Variants in ARHGEF10 observed in about 807,000 individuals in gnomAD.
ARHGEF10 encodes the protein Rho guanine nucleotide exchange factor 10.
ARHGEF10 carries 140 observed loss-of-function variants against 147.4 expected under a neutral mutation model. The observed-to-expected ratio is 0.95, with a 90% CI of 0.83 to 1.09. ARHGEF10 has a LOEUF of 1.09. Among genes scored for constraint, ARHGEF10 ranks in the 50% least tolerant of loss-of-function variants. The pLI is 0.00. For synonymous variants in ARHGEF10, 902 were observed against 695.8 expected, an observed-to-expected ratio of 1.30 and a Z score of -4.67; for missense variants, 2,222 against 1,752.7, an observed-to-expected ratio of 1.27 and a Z score of -4.78.
intron 1 of ARHGEF10, among the ~76,000 whole-genome samples, chr8:1,837,668 G>A (rs1803667422): frequency 6.6e-6 from 1 of 152,198 alleles, no homozygotes; most frequent in Non-Finnish European, 1.5e-5. Flanking sequence ...TGTCTAGGGC[G>A]GGAAGGGGGA....
intron 6 of ARHGEF10, among the ~76,000 whole-genome samples, chr8:1,867,678 A>T (rs1425338659): frequency 6.6e-6 from 1 of 152,234 alleles, no homozygotes; most frequent in Admixed American, 6.5e-5. Flanking sequence ...AAAGGCTGAA[A>T]GATTTTTAGC....
intron 1 of ARHGEF10, among the ~76,000 whole-genome samples, chr8:1,835,931 C>T (rs568121647): frequency 5.9e-5 from 9 of 152,256 alleles, no homozygotes; most frequent in East Asian, 1.9e-4. Context: ...CCTGTAATCC[C>T]GGCACTTTGG....
chr8:1,842,426 C>T (rs1804164944), intron 1 of ARHGEF10, among the ~76,000 whole-genome samples: 1 of 152,194 alleles, frequency 6.6e-6, no homozygotes, highest in Admixed American at 6.5e-5. Flanking sequence ...GCCTGCCATC[C>T]CCTCGCGTTC....
At chr8:1,863,037 C>A (rs998201922) in intron 4 of ARHGEF10, among the ~76,000 whole-genome samples, 6 of 152,092 alleles carry the variant, frequency 3.9e-5, no homozygotes, top group African/African-American at 1.4e-4. Context: ...CCCGCCTCAG[C>A]CTCCGAAAGT....
In ARHGEF10 at chr8:1,956,985, A is replaced by G. The variant is rs759524043; in HGVS notation, c.3757A>G (p.Lys1253Glu). 3 of 1,614,158 alleles carry G rather than the reference A, an allele frequency of 1.9e-6. No homozygotes were observed. Among genetic ancestry groups the G allele is most frequent in the Admixed American group, 3.3e-5 (2 of 60,028 alleles). ...LGDSLGSMTQ[K>E]SDLSSSSGSL... Reference sequence around the variant, plus strand: ...AGATTCGCTGGGATCGATGACTCAGAAAAGCGACCTGTCCTCCTCATCTGG... The same window carrying G: ...AGATTCGCTGGGATCGATGACTCAGGAAAGCGACCTGTCCTCCTCATCTGG... The change falls in exon 29 of 29, where the codon AAA becomes GAA. Residue 1253 changes from lysine to glutamate, a missense_variant. By Grantham distance (56) the Lys-to-Glu change is moderately conservative. Transcript: ENST00000349830.
chr8:1,943,959 G>C (rs554757324), intron 26 of ARHGEF10: 6 of 152,422 alleles, frequency 3.9e-5, no homozygotes, highest in African/African-American at 9.6e-5. Flanking sequence ...GTTTGCTCCA[G>C]GGGGGTGGAC....
intron 3 of ARHGEF10, chr8:1,858,874 T>G (rs553196126): frequency 5.8e-6 from 1 of 172,726 alleles, no homozygotes; most frequent in Non-Finnish European, 1.3e-5. Context: ...CGGCATTTCT[T>G]TGGGTGCAGC....
rs144850309 is a variant in ARHGEF10, at chr8:1,949,308, A to T, written c.3398-3397A>T. On this transcript the variant is annotated intron_variant, in intron 27 of 28. Coordinates refer to ENST00000349830, the MANE Select transcript of ARHGEF10 (RefSeq NM_014629.4). ...TTCTATTTGGAATTCACTTCTGAAAACCATTTAGCTCACGTTCTTTCACAT... is the reference window on the plus strand; with the variant it reads ...TTCTATTTGGAATTCACTTCTGAAATCCATTTAGCTCACGTTCTTTCACAT... Among the ~76,000 whole-genome samples the T allele has an allele frequency of 2.6e-5, 4 of 152,314 alleles. No homozygotes were observed. The East Asian group carries it at 7.7e-4, about 29-fold the overall frequency.
At chr8:1,880,974 C>T (rs1193243606) in intron 9 of ARHGEF10, among the ~76,000 whole-genome samples, 2 of 152,214 alleles carry the variant, frequency 1.3e-5, no homozygotes, top group South Asian at 2.1e-4. Context: ...GCTGGCTCCC[C>T]TGCAGGGTGT....
chr8:1,892,275 C>CTGTGTGTG (rs1491241969), intron 11 of ARHGEF10, among the ~76,000 whole-genome samples: 2 of 93,422 alleles, frequency 2.1e-5, no homozygotes, highest in Admixed American at 1.1e-4. Context: ...CAGCTTCTGG[C>CTGTGTGTG]TCTGTGTGTG....
At chr8:1,949,074 A>G (rs1160694578) in intron 27 of ARHGEF10, among the ~76,000 whole-genome samples, 3 of 152,004 alleles carry the variant, frequency 2.0e-5, no homozygotes, top group East Asian at 3.9e-4. Context: ...TTTTTGTGCT[A>G]TTGCTGGAAT....
chr8:1,850,388 G>A (rs1177344690), intron 2 of ARHGEF10, among the ~76,000 whole-genome samples: 5 of 143,276 alleles, frequency 3.5e-5, no homozygotes, highest in Non-Finnish European at 7.6e-5. Context: ...GGGCATGGAC[G>A]GCAAATGCTG....
intron 26 of ARHGEF10, among the ~76,000 whole-genome samples, chr8:1,938,601 A>G (rs1813814179): frequency 1.3e-5 from 2 of 152,198 alleles, no homozygotes; most frequent in South Asian, 4.1e-4. Flanking sequence ...TTCTCATAGG[A>G]AGTTAATTCT....
intron 11 of ARHGEF10, among the ~76,000 whole-genome samples, chr8:1,889,220 G>T (rs12674621): frequency 1.4e-4 from 13 of 90,046 alleles, no homozygotes; most frequent in African/African-American, 5.7e-4. Context: ...CACTGAATGG[G>T]GTGAGGGTTG....
intron 2 of ARHGEF10, among the ~76,000 whole-genome samples, chr8:1,843,874 G>T (rs1804291539): frequency 6.6e-6 from 1 of 152,190 alleles, no homozygotes; most frequent in South Asian, 2.1e-4. Flanking sequence ...TCAGGGACAA[G>T]CACGCCCTCT....
At chr8:1,908,279 G>C (rs1379657859) in intron 17 of ARHGEF10, among the ~76,000 whole-genome samples, 1 of 142,000 alleles carries the variant, frequency 7.0e-6, no homozygotes, top group Non-Finnish European at 1.5e-5. Context: ...CACCCAGGCT[G>C]GAGTGCTGTG....
At chr8:1,909,107 C>T (rs985197122) in intron 17 of ARHGEF10, among the ~76,000 whole-genome samples, 188 bp from the exon 18 acceptor site, 4 of 152,198 alleles carry the variant, frequency 2.6e-5, no homozygotes, top group Admixed American at 6.5e-5. Flanking sequence ...TCATCCAGTT[C>T]GAGGCCTCTT....
At chr8:1,932,343 ATG>A (rs1253322702) in intron 25 of ARHGEF10, among the ~76,000 whole-genome samples, 1 of 152,156 alleles carries the variant, frequency 6.6e-6, no homozygotes, top group African/African-American at 2.4e-5. Context: ...GTGAGGGCGT[ATG>A]TGTGTGCAGG....
chr8:1,847,150 C>T (rs762799003), intron 2 of ARHGEF10, among the ~76,000 whole-genome samples: 4 of 152,190 alleles, frequency 2.6e-5, no homozygotes, highest in Non-Finnish European at 5.9e-5. Flanking sequence ...GCAGCCTGTG[C>T]ACCAGGAAAG....
Sources: gnomAD v4.1 joint callset for allele counts (sites outside exome capture counted in the v4.1 genomes callset) on GRCh38, gnomAD v4.1.1 for gene constraint, MANE v1.5 for transcripts, NCBI Gene and HGNC (gene_info 2026-07-23, HGNC 2026-07-21) for gene names.